Variants in ADCY2 observed in about 807,000 individuals in gnomAD.
ADCY2 encodes the protein adenylate cyclase type 2.
ADCY2 carries 31 observed loss-of-function variants against 125.2 expected under a neutral mutation model. That is an observed-to-expected ratio of 0.25 (90% confidence interval 0.19 to 0.33). The LOEUF (loss-of-function observed/expected upper bound fraction) is 0.33, where lower values mean the gene tolerates loss of function less well. ADCY2 is among the 10% of genes least tolerant of loss of function. The pLI is 1.00. For synonymous variants in ADCY2, 512 were observed against 548.4 expected (o/e 0.93, Z 0.93); for missense variants, 904 against 1,418.2 (o/e 0.64, Z 5.82).
chr5:7,637,184 T>G (rs1025868769), intron 4 of ADCY2, among the ~76,000 whole-genome samples: 12 of 151,936 alleles, frequency 7.9e-5, no homozygotes, highest in Non-Finnish European at 1.6e-4. Context: ...AAGGCAACAG[T>G]TGGGGCCGGG....
At chr5:7,624,321 T>TA (rs1738053204) in intron 3 of ADCY2, among the ~76,000 whole-genome samples, 1 of 152,304 alleles carries the variant, frequency 6.6e-6, no homozygotes, top group South Asian at 2.1e-4. Context: ...TTATTACACT[T>TA]ACACCTATTT....
intron 1 of ADCY2, among the ~76,000 whole-genome samples, chr5:7,401,524 AC>A (rs769034740): frequency 1.4e-4 from 21 of 152,226 alleles, no homozygotes; most frequent in Admixed American, 3.3e-4. Context: ...TAATGGAGTT[AC>A]CTTTTAATGT....
chr5:7,546,254 C>G (rs1046381699), intron 3 of ADCY2, among the ~76,000 whole-genome samples: 22 of 152,144 alleles, frequency 1.4e-4, no homozygotes, highest in Admixed American at 1.3e-4. Context: ...CCAGCTATGT[C>G]CAGAGTTGGC....
At chr5:7,770,567 A>G (rs1023547033) in intron 17 of ADCY2, among the ~76,000 whole-genome samples, 3 of 152,184 alleles carry the variant, frequency 2.0e-5, no homozygotes, top group African/African-American at 4.8e-5. Context: ...CTCTTTTGTT[A>G]CTTAATCTTC....
chr5:7,535,429 CAAAT>C (rs1478304728), intron 3 of ADCY2, among the ~76,000 whole-genome samples: 2 of 152,156 alleles, frequency 1.3e-5, no homozygotes, highest in Non-Finnish European at 2.9e-5. Flanking sequence ...CAAATGTAGA[CAAAT>C]AAAAAGCCTC....
Position 7,789,772 on chromosome 5 carries a change from A to C in ADCY2, c.2600A>C (p.His867Pro). ...GTGCTTCCCGCGCACGTGGCTGAGC[A>C]CTTCCTGGCCAGGAGCCTGAAGAAT... is the stretch of plus-strand genomic sequence containing the variant. ...ENVLPAHVAE[H>P]FLARSLKNEE... is the part of the protein sequence containing the mutation. The change falls in exon 20 of 25, where the codon CAC becomes CCC. Residue 867 changes from histidine (H) to proline (P), a missense_variant. His to Pro is a moderately conservative substitution (Grantham distance 77). Transcript: ENST00000338316. 6.4e-7 allele frequency: 1 copy of C among 1,560,212 alleles called. No homozygotes were observed. The highest frequency in any genetic ancestry group is 8.7e-7 in the Non-Finnish European group (1 of 1,151,598).
intron 3 of ADCY2, among the ~76,000 whole-genome samples, chr5:7,623,210 T>C (rs1053571062): frequency 1.3e-5 from 2 of 152,230 alleles, no homozygotes; most frequent in Non-Finnish European, 2.9e-5. Flanking sequence ...CTCCCTAAAA[T>C]GTTGACGGGT....
At position 7,815,672 on chromosome 5, in the gene ADCY2, G is replaced by A. The variant is rs530159753; in HGVS notation, c.2884-1194G>A. ...CAGGAATGATAAACAGAAATTAATAGGAAATCTGCATAGAAATGTTCACTT... is the reference window on the plus strand; with the variant it reads ...CAGGAATGATAAACAGAAATTAATAAGAAATCTGCATAGAAATGTTCACTT... On this transcript the variant is annotated intron_variant, in intron 22 of 24. Coordinates refer to ENST00000338316, the MANE Select transcript of ADCY2 (RefSeq NM_020546.3). 1.7e-4 allele frequency among the ~76,000 whole-genome samples: 26 copies of A among 152,248 alleles called. No homozygotes were observed. The South Asian group carries it at 5.4e-3, about 32-fold the overall frequency.
intron 20 of ADCY2, chr5:7,797,707 C>G (rs1744468528): frequency 6.6e-6 from 1 of 152,236 alleles, no homozygotes; most frequent in South Asian, 2.1e-4. Context: ...CTTACAAACG[C>G]CTTCCTTGAC....
chr5:7,567,614 T>C (rs1055914450), intron 3 of ADCY2, among the ~76,000 whole-genome samples: 1 of 152,216 alleles, frequency 6.6e-6, no homozygotes, highest in East Asian at 1.9e-4. Flanking sequence ...TAAGTTAATA[T>C]GGTTGTGTTG....
In ADCY2 at chr5:7,714,574, G is replaced by A. The variant is rs184648340; in HGVS notation, c.1622+1675G>A. Among the ~76,000 whole-genome samples the A allele has an allele frequency of 6.6e-4, 101 of 152,360 alleles. No homozygotes were observed. In the Middle Eastern group the frequency reaches 0.01, roughly 15 times the overall value. Reference sequence around the variant, plus strand: ...CACAAAGGGATAGGAGAATGCCAGCGTCACATGGCTGGTGGAGATGAAGCC... The same window carrying A: ...CACAAAGGGATAGGAGAATGCCAGCATCACATGGCTGGTGGAGATGAAGCC... On this transcript the variant is annotated intron_variant, in intron 11 of 24. Transcript: ENST00000338316.
intron 4 of ADCY2, among the ~76,000 whole-genome samples, chr5:7,632,531 T>C (rs1738350295): frequency 6.6e-6 from 1 of 152,170 alleles, no homozygotes; most frequent in African/African-American, 2.4e-5. Context: ...TCAACTCTCA[T>C]TGGTGTAACA....
intron 3 of ADCY2, among the ~76,000 whole-genome samples, chr5:7,569,170 C>T (rs948797645): frequency 9.2e-5 from 14 of 152,118 alleles, no homozygotes; most frequent in African/African-American, 2.9e-4. Flanking sequence ...CAAGGCACTA[C>T]GGACACCAAA....
intron 2 of ADCY2, among the ~76,000 whole-genome samples, chr5:7,465,977 A>G (rs763629737): frequency 1.3e-5 from 2 of 152,220 alleles, no homozygotes; most frequent in Non-Finnish European, 2.9e-5. Flanking sequence ...ATCTTGGAAA[A>G]TAAAAAGTCT....
chr5:7,756,402 A>C (rs896131719), intron 15 of ADCY2, among the ~76,000 whole-genome samples: 1 of 152,236 alleles, frequency 6.6e-6, no homozygotes, highest in Non-Finnish European at 1.5e-5. Flanking sequence ...GTATAGCCGC[A>C]TATTCACAAC....
At chr5:7,662,354 G>C (rs373831185) in intron 4 of ADCY2, among the ~76,000 whole-genome samples, 1 of 152,292 alleles carries the variant, frequency 6.6e-6, no homozygotes, top group African/African-American at 2.4e-5. Flanking sequence ...AAGGTTACAG[G>C]CAGAAATGCA....
chr5:7,826,557 C>CT (rs772086593), intron 24 of ADCY2, 162 bp from the exon 25 acceptor site: 10 of 918,558 alleles, frequency 1.1e-5, no homozygotes, highest in South Asian at 8.3e-5. Flanking sequence ...CCTTTACAAC[C>CT]TTTTTTTCTT....
chr5:7,682,072 T>C (rs1740357672), intron 4 of ADCY2, among the ~76,000 whole-genome samples: 1 of 152,226 alleles, frequency 6.6e-6, no homozygotes, highest in African/African-American at 2.4e-5. Context: ...AATTTCTTCT[T>C]CATAGAAATG....
In ADCY2 at chr5:7,414,766, AC is replaced by A; in HGVS notation, c.406del (p.Gln136ArgfsTer60). 1 of 1,608,260 alleles carries A rather than the reference AC, an allele frequency of 6.2e-7. No individual in the cohort carries two copies. Among genetic ancestry groups the A allele is most frequent in the Non-Finnish European group, 8.5e-7 (1 of 1,178,108 alleles). Reference sequence around the variant, plus strand: ...TTTGGAGGCACCGTCTCTCCCTGGGACCAGGTAAGGTGTGAAAATATTTTTT... The same window carrying A: ...TTTGGAGGCACCGTCTCTCCCTGGGACAGGTAAGGTGTGAAAATATTTTTT... Reference protein sequence around the residue: ...MCFGGTVSPWDQVSFFLFIIF... With the variant: ...MCFGGTVSPWXQVSFFLFIIF... On this transcript the variant is annotated frameshift_variant, in exon 2 of 25. Coordinates refer to ENST00000338316, the MANE Select transcript of ADCY2 (RefSeq NM_020546.3). LOFTEE classifies it high-confidence loss of function.
Sources: allele counts gnomAD v4.1 joint callset (sites outside exome capture counted in the v4.1 genomes callset), GRCh38; gene constraint gnomAD v4.1.1; transcripts MANE v1.5; gene names NCBI Gene and HGNC (gene_info 2026-07-23, HGNC 2026-07-21).